Variants in MINAR1 observed in about 807,000 individuals in gnomAD.
MINAR1 encodes membrane integral NOTCH2 associated receptor 1.
In MINAR1, 40 loss-of-function variants were observed where a neutral mutation model predicts 65.1. The ratio of observed to expected loss-of-function variants is 0.61; its 90% CI spans 0.48 to 0.80. MINAR1 has a LOEUF of 0.80. Among genes scored for constraint, MINAR1 ranks in the 30% least tolerant of loss-of-function variants. The pLI is 0.00. For synonymous variants in MINAR1, 482 were observed against 449.1 expected (o/e 1.07, Z -0.93); for missense variants, 1,128 against 1,148.0 (o/e 0.98, Z 0.25).
upstream of MINAR1, among the ~76,000 whole-genome samples, chr15:79,430,550 G>A (rs2141270962): frequency 6.6e-6 from 1 of 152,200 alleles, no homozygotes; most frequent in African/African-American, 2.4e-5. Flanking sequence ...CTTACCCTGG[G>A]GACCCCCTTT....
intron 1 of MINAR1, among the ~76,000 whole-genome samples, chr15:79,438,671 G>A: frequency 8.6e-5 from 1 of 11,652 alleles, no homozygotes; most frequent in African/African-American, 2.5e-4. Flanking sequence ...AGCATAGTGT[G>A]TGGGGTGTGG....
chr15:79,446,433 A>G (rs1465440961), intron 1 of MINAR1, among the ~76,000 whole-genome samples: 1 of 152,082 alleles, frequency 6.6e-6, no homozygotes, highest in Non-Finnish European at 1.5e-5. Context: ...AAACTCTGAA[A>G]CTATTTCTTT....
the MINAR1 span, chr15:79,422,939 A>G: frequency 6.6e-6 from 1 of 152,252 alleles, no homozygotes; most frequent in African/African-American, 2.4e-5. Flanking sequence ...TTAAAATTTC[A>G]TATGCCCTTT....
rs200987462 is a variant in MINAR1, at chr15:79,469,386, T to TG, written c.*1002_*1003insG. The TG allele has an allele frequency of 8.3e-3, 1,275 of 152,752 alleles. 15 individuals are homozygous for TG. Among genetic ancestry groups the TG allele is most frequent in the South Asian group, 0.021 (99 of 4,822 alleles). 9.5% of individuals were successfully genotyped at this position (152,752 alleles called of 1,614,324 possible). On this transcript the variant is annotated 3_prime_UTR_variant, in exon 4 of 4. Coordinates refer to ENST00000305428, the MANE Select transcript of MINAR1 (RefSeq NM_015206.3). ...TAATATCTGCCATTTTCAATGGCTTTAAAAAGATTTTGAAAGCTTGCTCAA... is the reference window on the plus strand; with the variant it reads ...TAATATCTGCCATTTTCAATGGCTTTGAAAAAGATTTTGAAAGCTTGCTCAA...
chr15:79,451,004 C>G (rs1895175853), intron 1 of MINAR1, among the ~76,000 whole-genome samples: 1 of 152,162 alleles, frequency 6.6e-6, no homozygotes, highest in Non-Finnish European at 1.5e-5. Flanking sequence ...GGTGTGGGAG[C>G]TGTAAGTAAC....
the MINAR1 span, chr15:79,412,113 C>G: frequency 6.7e-6 from 1 of 150,112 alleles, no homozygotes; most frequent in African/African-American, 2.4e-5. Context: ...GCCCCCAGGG[C>G]TACCCAAAGC....
chr15:79,456,082 A>C lies in MINAR1; in HGVS notation c.-50-16A>C. On this transcript the variant is annotated splice_polypyrimidine_tract_variant and intron_variant, in intron 1 of 3. Transcript: ENST00000305428. Reference sequence around the variant, plus strand: ...ATCCTCTTTTCCTCCTCTCTTTCTCAATATTGCCACCACAGAACTGACCTG... The same window carrying C: ...ATCCTCTTTTCCTCCTCTCTTTCTCCATATTGCCACCACAGAACTGACCTG... The C allele has an allele frequency of 6.6e-7, 1 of 1,507,488 alleles. No individual in the cohort carries two copies. The highest frequency in any genetic ancestry group is 9.0e-7 in the Non-Finnish European group (1 of 1,110,736). The allele number at this position is 1,507,488 out of a possible 1,614,324, so 93.4% of individuals were successfully genotyped here.
At chr15:79,452,538 G>C (rs1187602717) in intron 1 of MINAR1, among the ~76,000 whole-genome samples, 1 of 83,790 alleles carries the variant, frequency 1.2e-5, no homozygotes, top group Non-Finnish European at 3.2e-5. Flanking sequence ...GGGTGAGTGT[G>C]TGGGTGTGTG....
intron 3 of MINAR1, among the ~76,000 whole-genome samples, chr15:79,466,932 C>T (rs1895883273): frequency 6.6e-6 from 1 of 152,164 alleles, no homozygotes; most frequent in African/African-American, 2.4e-5. Flanking sequence ...AAACTACAGC[C>T]CAGCCAGGAG....
the MINAR1 span, chr15:79,412,080 C>G: frequency 7.0e-6 from 1 of 142,840 alleles, no homozygotes; most frequent in African/African-American, 2.5e-5. Flanking sequence ...ACCATGTTTG[C>G]CAGTGCAGTA....
intron 1 of MINAR1, among the ~76,000 whole-genome samples, chr15:79,439,896 C>A (rs1669982453): frequency 6.6e-6 from 1 of 152,014 alleles, no homozygotes; most frequent in Non-Finnish European, 1.5e-5. Flanking sequence ...TTTTCCATAA[C>A]CTCAGCCTGA....
rs75567965 is a variant in MINAR1 at position 79,453,292 on chromosome 15, G to A, written c.-50-2806G>A. 0.013 allele frequency among the ~76,000 whole-genome samples: 1,960 copies of A among 152,140 alleles called. 218 individuals carry two copies. In the East Asian group the frequency reaches 0.28, roughly 22 times the overall value. Reference sequence around the variant, plus strand: ...GTGGATGCTTGTCCTCCTGGCATGCGATTGAGCCTAGTGCCCCTTCAACAG... The same window carrying A: ...GTGGATGCTTGTCCTCCTGGCATGCAATTGAGCCTAGTGCCCCTTCAACAG... On this transcript the variant is annotated intron_variant, in intron 1 of 3. Coordinates refer to ENST00000305428, the MANE Select transcript of MINAR1 (RefSeq NM_015206.3).
the MINAR1 span, chr15:79,420,954 C>G: frequency 6.6e-6 from 1 of 152,308 alleles, no homozygotes; most frequent in Non-Finnish European, 1.5e-5. Flanking sequence ...GGTGACGATA[C>G]TCAGAATCTA....
Position 79,458,455 on chromosome 15 carries a change from A to G in MINAR1, c.2298+10A>G, listed in dbSNP as rs1371290358. The G allele has an allele frequency of 7.5e-6, 12 of 1,606,232 alleles. No homozygotes were observed. Among genetic ancestry groups the G allele is most frequent in the Non-Finnish European group, 1.0e-5 (12 of 1,175,400 alleles). On this transcript the variant is annotated intron_variant, in intron 2 of 3. Transcript: ENST00000305428. ...TCGGAAATCTAAAGAGGTAATTTAAATTTAAGTTCACATAATCGGGCACCA... is the reference window on the plus strand; with the variant it reads ...TCGGAAATCTAAAGAGGTAATTTAAGTTTAAGTTCACATAATCGGGCACCA...
chr15:79,458,647 C>T (rs1325385337), intron 2 of MINAR1, among the ~76,000 whole-genome samples: 1 of 152,170 alleles, frequency 6.6e-6, no homozygotes, highest in Admixed American at 6.5e-5. Flanking sequence ...TGTCCATCAG[C>T]TAGGAGGAGC....
chr15:79,466,872 G>A (rs1205748383), intron 3 of MINAR1, among the ~76,000 whole-genome samples: 1 of 152,212 alleles, frequency 6.6e-6, no homozygotes, highest in Admixed American at 6.5e-5. Context: ...GAAACCCACT[G>A]AGACCCACAG....
At chr15:79,464,444 T>C (rs1251417558) in intron 3 of MINAR1, among the ~76,000 whole-genome samples, 1 of 152,188 alleles carries the variant, frequency 6.6e-6, no homozygotes, top group African/African-American at 2.4e-5. Flanking sequence ...GCTATGACCA[T>C]CTTCAGTTTA....
intron 3 of MINAR1, chr15:79,463,661 TG>T (rs749909519): frequency 9.5e-6 from 5 of 523,976 alleles, no homozygotes; most frequent in Middle Eastern, 2.8e-4. Context: ...AACTGTTTAA[TG>T]AAATACAAGC....
At chr15:79,416,572 C>T in the MINAR1 span, 1 of 152,122 alleles carries the variant, frequency 6.6e-6, no homozygotes, top group Non-Finnish European at 1.5e-5. Context: ...GATCTTCAAA[C>T]ATCTTGTGGA....
Sources: gnomAD v4.1 joint callset for allele counts (sites outside exome capture counted in the v4.1 genomes callset) on GRCh38, gnomAD v4.1.1 for gene constraint, MANE v1.5 for transcripts, NCBI Gene and HGNC (gene_info 2026-07-23, HGNC 2026-07-21) for gene names.